Variants in IDE observed in about 807,000 individuals in gnomAD.
IDE encodes the protein insulin degrading enzyme, also known as insulin-degrading enzyme.
In IDE, 58 loss-of-function variants were observed where a neutral mutation model predicts 133.2. The ratio of observed to expected loss-of-function variants is 0.44; its 90% CI spans 0.35 to 0.54. The LOEUF (loss-of-function observed/expected upper bound fraction) is 0.54, where lower values mean the gene tolerates loss of function less well. Among genes scored for constraint, IDE ranks in the 20% least tolerant of loss-of-function variants. The pLI is 0.00. For missense variants in IDE, 981 were observed against 1,234.0 expected, an observed-to-expected ratio of 0.79 and a Z score of 3.07; for synonymous variants, 396 against 421.3, an observed-to-expected ratio of 0.94 and a Z score of 0.73.
At chr10:92,508,333 G>GA (rs1209920559) in intron 7 of IDE, 128 bp from the exon 8 acceptor site, 583 of 733,418 alleles carry the variant, frequency 7.9e-4, no homozygotes, top group South Asian at 1.9e-3. Context: ...AAAAGATTGG[G>GA]AAAAAAAAAT....
At position 92,452,703 on chromosome 10, in the gene IDE, G is replaced by C. The variant is rs1335174652; in HGVS notation, c.*1741C>G. ...CACATAATTTTCCACATAAAAGGTA[G>C]GTGGATTTTTATTTACTAGTACAGT... On this transcript the variant is annotated 3_prime_UTR_variant, in exon 25 of 25. Transcript: ENST00000265986. 1 of 152,200 alleles carries C rather than the reference G, an allele frequency of 6.6e-6. No homozygotes were observed. Among genetic ancestry groups the C allele is most frequent in the Non-Finnish European group, 1.5e-5 (1 of 68,044 alleles). 9.4% of individuals were successfully genotyped at this position (152,200 alleles called of 1,614,324 possible). A position where few individuals can be genotyped will look rare whatever the true frequency, so the allele number is the denominator to read the frequency against.
intron 4 of IDE, among the ~76,000 whole-genome samples, chr10:92,529,095 A>G (rs1258925454): frequency 6.6e-6 from 1 of 152,070 alleles, no homozygotes; most frequent in Non-Finnish European, 1.5e-5. Flanking sequence ...AAACAAAAAA[A>G]CAAAACAAAA....
At chr10:92,461,491 G>A (rs1042844116) in intron 21 of IDE, among the ~76,000 whole-genome samples, 1 of 151,802 alleles carries the variant, frequency 6.6e-6, no homozygotes, top group Non-Finnish European at 1.5e-5. Context: ...GAGTAGTTGG[G>A]ATTACAGGCA....
intron 1 of IDE, among the ~76,000 whole-genome samples, chr10:92,567,482 TC>T (rs1843610447): frequency 1.3e-5 from 2 of 152,146 alleles, no homozygotes; most frequent in Non-Finnish European, 2.9e-5. Flanking sequence ...CCCTCATCAG[TC>T]TCTGCCTGCG....
intron 1 of IDE, chr10:92,572,979 G>GC: frequency 1.0e-6 from 1 of 985,276 alleles, no homozygotes. Context: ...TCCTTGGAAG[G>GC]CAGACACATA....
intron 19 of IDE, among the ~76,000 whole-genome samples, chr10:92,466,756 T>C (rs568910640): frequency 6.6e-6 from 1 of 151,968 alleles, no homozygotes; most frequent in African/African-American, 2.4e-5. Context: ...TAGCCGGGAT[T>C]ACAGGTGCCT....
chr10:92,574,002 C>T lies in IDE; in HGVS notation c.18G>A (p.Ala6=). 1 of 1,511,470 alleles carries T rather than the reference C, an allele frequency of 6.6e-7. No individual in the cohort carries two copies. Among genetic ancestry groups the T allele is most frequent in the South Asian group, 1.2e-5 (1 of 80,048 alleles). 93.6% of individuals were successfully genotyped at this position (1,511,470 alleles called of 1,614,324 possible). MRYRL[A]WLLHPALPST... Reference sequence around the variant, plus strand: ...TGGGCAGTGCGGGGTGCAGAAGCCACGCTAGCCGGTACCGCATTAGCCAGC... The same window carrying T: ...TGGGCAGTGCGGGGTGCAGAAGCCATGCTAGCCGGTACCGCATTAGCCAGC... The change falls in exon 1 of 25, where the codon GCG becomes GCA. Residue 6 remains alanine, a synonymous_variant. Transcript: ENST00000265986.
At chr10:92,472,056 C>G (rs1006158691) in intron 17 of IDE, among the ~76,000 whole-genome samples, 9 of 152,150 alleles carry the variant, frequency 5.9e-5, no homozygotes, top group African/African-American at 2.2e-4. Context: ...GAAGAGGCAG[C>G]CTCTCACACT....
chr10:92,567,493 G>A (rs1007484379), intron 1 of IDE, among the ~76,000 whole-genome samples: 2 of 152,024 alleles, frequency 1.3e-5, no homozygotes, highest in Non-Finnish European at 2.9e-5. Context: ...CTCTGCCTGC[G>A]TTTCAAACAG....
chr10:92,506,550 T>C (rs1848300479), intron 9 of IDE, 28 bp from the exon 10 acceptor site: 1 of 1,107,304 alleles, frequency 9.0e-7, no homozygotes, highest in Non-Finnish European at 1.4e-6. Context: ...TCCAATTAGA[T>C]ACGGCCACCC....
chr10:92,497,969 T>C (rs909772194), intron 11 of IDE, among the ~76,000 whole-genome samples: 6 of 152,228 alleles, frequency 3.9e-5, no homozygotes, highest in Non-Finnish European at 7.3e-5. Flanking sequence ...ATTTAAATCA[T>C]GGTTTTTTCT....
intron 20 of IDE, among the ~76,000 whole-genome samples, chr10:92,464,818 C>T (rs1255073384): frequency 1.3e-5 from 2 of 152,118 alleles, no homozygotes; most frequent in Non-Finnish European, 2.9e-5. Flanking sequence ...TACAGGCATG[C>T]ACCACCACGC....
At chr10:92,487,133 AC>A in intron 13 of IDE, 62 bp downstream of exon 13, 1 of 1,492,386 alleles carries the variant, frequency 6.7e-7, no homozygotes, top group Non-Finnish European at 9.1e-7. Flanking sequence ...GAAATCATTT[AC>A]CCAGTCCCCC....
intron 2 of IDE, among the ~76,000 whole-genome samples, chr10:92,537,101 A>G (rs985495837): frequency 8.5e-5 from 13 of 152,238 alleles, no homozygotes; most frequent in African/African-American, 2.9e-4. Context: ...AAAAAAAATC[A>G]TAACTGTTAC....
At chr10:92,504,118 T>C (rs1433197126) in intron 11 of IDE, among the ~76,000 whole-genome samples, 4 of 152,132 alleles carry the variant, frequency 2.6e-5, no homozygotes, top group Admixed American at 6.6e-5. Flanking sequence ...AAATTGCCAG[T>C]AGAATTTCAA....
At chr10:92,531,491 T>C (rs928542169) in intron 4 of IDE, among the ~76,000 whole-genome samples, 11 of 152,204 alleles carry the variant, frequency 7.2e-5, no homozygotes, top group Non-Finnish European at 1.6e-4. Flanking sequence ...CTTCTCCATA[T>C]GGAATGCTGG....
At chr10:92,460,052 T>A (rs1219611205) in intron 22 of IDE, among the ~76,000 whole-genome samples, 1 of 152,074 alleles carries the variant, frequency 6.6e-6, no homozygotes, top group Non-Finnish European at 1.5e-5. Flanking sequence ...TTGGCCAGGC[T>A]GATCTTGAAC....
intron 11 of IDE, among the ~76,000 whole-genome samples, chr10:92,493,432 C>T (rs1156910217): frequency 3.3e-5 from 5 of 150,348 alleles, no homozygotes; most frequent in Middle Eastern, 3.2e-3. Flanking sequence ...CACTCTGACA[C>T]CCAAGCTGGA....
intron 3 of IDE, among the ~76,000 whole-genome samples, chr10:92,532,349 T>G (rs17107709): frequency 0.043 from 6,490 of 151,964 alleles, 167 homozygotes; most frequent in Middle Eastern, 0.078. Flanking sequence ...TTAGGTGCAA[T>G]TTCACTTAGA....
Sources: gnomAD v4.1 joint callset for allele counts (sites outside exome capture counted in the v4.1 genomes callset) on GRCh38, gnomAD v4.1.1 for gene constraint, MANE v1.5 for transcripts, NCBI Gene and HGNC (gene_info 2026-07-23, HGNC 2026-07-21) for gene names.